ZCCHC7: variants seen among roughly 807,000 people sequenced by gnomAD.
The protein encoded by ZCCHC7 is zinc finger CCHC-type containing 7.
ZCCHC7 carries 35 observed loss-of-function variants against 52.0 expected under a neutral mutation model. The observed-to-expected ratio is 0.67, with a 90% CI of 0.51 to 0.89. The LOEUF (loss-of-function observed/expected upper bound fraction) is 0.89, where lower values mean the gene tolerates loss of function less well. ZCCHC7 is among the 40% of genes least tolerant of loss of function. ZCCHC7 has a pLI of 0.00. For missense variants in ZCCHC7, 574 were observed against 649.1 expected, an observed-to-expected ratio of 0.88 and a Z score of 1.26; for synonymous variants, 217 against 221.5, an observed-to-expected ratio of 0.98 and a Z score of 0.18.
intron 2 of ZCCHC7, among the ~76,000 whole-genome samples, chr9:37,288,899 A>G (rs897740434): frequency 1.3e-5 from 2 of 152,062 alleles, no homozygotes; most frequent in Non-Finnish European, 2.9e-5. Flanking sequence ...TACCATCTCC[A>G]TGCCATAATT....
At chr9:37,160,120 C>G (rs935651207) in intron 2 of ZCCHC7, 5 of 152,214 alleles carry the variant, frequency 3.3e-5, no homozygotes, top group Admixed American at 6.5e-5. Flanking sequence ...ATAATACTTA[C>G]AAGAACGTTG....
chr9:37,285,264 TGA>T (rs1828153166), intron 2 of ZCCHC7, among the ~76,000 whole-genome samples: 1 of 152,168 alleles, frequency 6.6e-6, no homozygotes. Context: ...AAATTGAAGC[TGA>T]GAGAAAGAGA....
At chr9:37,230,440 T>C (rs906705788) in intron 2 of ZCCHC7, among the ~76,000 whole-genome samples, 2 of 152,182 alleles carry the variant, frequency 1.3e-5, no homozygotes, top group Non-Finnish European at 2.9e-5. Context: ...TGTGATCATA[T>C]ATTGAATTGG....
chr9:37,348,253 A>G (rs988167728), intron 6 of ZCCHC7, among the ~76,000 whole-genome samples: 4 of 151,952 alleles, frequency 2.6e-5, no homozygotes, highest in Non-Finnish European at 4.4e-5. Context: ...TTCTGAATCA[A>G]TCCTTGTTCA....
chr9:37,192,412 C>T (rs1263473477), intron 2 of ZCCHC7, among the ~76,000 whole-genome samples: 1 of 152,138 alleles, frequency 6.6e-6, no homozygotes, highest in Non-Finnish European at 1.5e-5. Flanking sequence ...TCCCTGACCT[C>T]TCCATATTTT....
intron 1 of ZCCHC7, among the ~76,000 whole-genome samples, chr9:37,124,859 T>C (rs185139163): frequency 6.6e-6 from 1 of 152,328 alleles, no homozygotes; most frequent in Admixed American, 6.5e-5. Context: ...TTTTTGTAAC[T>C]AGTACAGAGT....
chr9:37,184,144 C>T (rs1279954246), intron 2 of ZCCHC7, among the ~76,000 whole-genome samples: 5 of 152,078 alleles, frequency 3.3e-5, no homozygotes, highest in South Asian at 2.1e-4. Flanking sequence ...TTATTTTGTA[C>T]GTTTTGGAAG....
chr9:37,183,451 A>G (rs1822477842), intron 2 of ZCCHC7, among the ~76,000 whole-genome samples: 1 of 152,168 alleles, frequency 6.6e-6, no homozygotes. Flanking sequence ...CTTCAGTTAT[A>G]TTTTAGAACC....
At chr9:37,297,329 C>G (rs774479320) in intron 2 of ZCCHC7, among the ~76,000 whole-genome samples, 1 of 152,134 alleles carries the variant, frequency 6.6e-6, no homozygotes, top group Non-Finnish European at 1.5e-5. Flanking sequence ...AGCACCATGT[C>G]TAAGACATCT....
intron 2 of ZCCHC7, among the ~76,000 whole-genome samples, chr9:37,257,343 A>G (rs1489324724): frequency 6.6e-6 from 1 of 152,230 alleles, no homozygotes; most frequent in Non-Finnish European, 1.5e-5. Context: ...GGTTTCTTGC[A>G]TCTGCTCCTT....
Position 37,354,637 on chromosome 9 carries a change from G to A in ZCCHC7, c.1084-73G>A. 1.9e-6 allele frequency: 2 copies of A among 1,044,722 alleles called. No homozygotes were observed. The highest frequency in any genetic ancestry group is 2.9e-6 in the Non-Finnish European group (2 of 690,486). 64.7% of individuals were successfully genotyped at this position (1,044,722 alleles called of 1,614,324 possible). On this transcript the variant is annotated intron_variant, in intron 7 of 8. Coordinates refer to ENST00000336755, the MANE Select transcript of ZCCHC7 (RefSeq NM_032226.3). The surrounding 1 kb of genome is among the most constrained non-coding windows in gnomAD (Gnocchi z 4.0). ...CATGGGGCTCATTTCTAATTAACAT[G>A]CTCCAGAATCTTGCAAAAAGGTTTT...
chr9:37,280,709 A>C (rs1827915043), intron 2 of ZCCHC7, among the ~76,000 whole-genome samples: 2 of 151,210 alleles, frequency 1.3e-5, no homozygotes, highest in Admixed American at 6.6e-5. Context: ...CTGCTTGATT[A>C]GCTAATTGTT....
At chr9:37,248,825 A>G (rs576137206) in intron 2 of ZCCHC7, among the ~76,000 whole-genome samples, 1 of 152,342 alleles carries the variant, frequency 6.6e-6, no homozygotes, top group African/African-American at 2.4e-5. Context: ...TTTGTCTCAT[A>G]TCAGACTGCC....
chr9:37,337,853 A>T, intron 6 of ZCCHC7, among the ~76,000 whole-genome samples: 1 of 152,322 alleles, frequency 6.6e-6, no homozygotes, highest in African/African-American at 2.4e-5. Flanking sequence ...CTATGTAGGT[A>T]GTCTCTGGGG....
chr9:37,265,815 C>T (rs1827078663), intron 2 of ZCCHC7, among the ~76,000 whole-genome samples: 1 of 152,050 alleles, frequency 6.6e-6, no homozygotes, highest in Admixed American at 6.5e-5. Context: ...GAATTGACAC[C>T]CCTCAGTGTT....
At chr9:37,183,702 C>G (rs952723524) in intron 2 of ZCCHC7, among the ~76,000 whole-genome samples, 2 of 152,180 alleles carry the variant, frequency 1.3e-5, no homozygotes, top group African/African-American at 2.4e-5. Context: ...TTTTACTTTC[C>G]TGAGCACTTT....
intron 2 of ZCCHC7, among the ~76,000 whole-genome samples, chr9:37,235,118 CTT>C (rs113046295): frequency 0.02 from 3,011 of 152,266 alleles, 100 homozygotes; most frequent in African/African-American, 0.067. Flanking sequence ...TCAAAATCCT[CTT>C]TTCTGGTTAT....
At chr9:37,332,203 A>G (rs1240942452) in intron 6 of ZCCHC7, among the ~76,000 whole-genome samples, 2 of 151,570 alleles carry the variant, frequency 1.3e-5, no homozygotes, top group East Asian at 1.9e-4. Flanking sequence ...TGCCCTTAGT[A>G]CTAAAATACT....
At chr9:37,315,171 T>G (rs1308588185) in intron 5 of ZCCHC7, among the ~76,000 whole-genome samples, 1 of 151,764 alleles carries the variant, frequency 6.6e-6, no homozygotes, top group Non-Finnish European at 1.5e-5. Flanking sequence ...TATGCTTGTG[T>G]GTGTATATAT....
Sources: allele counts gnomAD v4.1 joint callset (sites outside exome capture counted in the v4.1 genomes callset), GRCh38; gene constraint gnomAD v4.1.1; non-coding constraint Gnocchi (gnomAD v3.1); transcripts MANE v1.5; gene names NCBI Gene and HGNC (gene_info 2026-07-23, HGNC 2026-07-21).